HDAC9: variants seen among roughly 807,000 people sequenced by gnomAD.
The protein encoded by HDAC9 is histone deacetylase 9, also known as MEF-2 interacting transcription repressor (MITR) protein.
A neutral mutation model predicts 139.4 loss-of-function variants in HDAC9; 41 were observed. The ratio of observed to expected loss-of-function variants is 0.29; its 90% CI spans 0.23 to 0.38. HDAC9 has a LOEUF of 0.38. HDAC9 is among the 10% of genes least tolerant of loss of function. The pLI is 1.00. For synonymous variants in HDAC9, 517 were observed against 476.2 expected (o/e 1.09, Z -1.12); for missense variants, 1,147 against 1,297.0 (o/e 0.88, Z 1.78).
chr7:18,409,236 C>A (rs949977190), intron 1 of HDAC9, among the ~76,000 whole-genome samples: 3 of 151,936 alleles, frequency 2.0e-5, no homozygotes, highest in Non-Finnish European at 2.9e-5. Context: ...GGTACCCTGG[C>A]GATACATGAC....
chr7:18,903,123 T>C (rs1403914054), intron 22 of HDAC9, among the ~76,000 whole-genome samples: 1 of 152,162 alleles, frequency 6.6e-6, no homozygotes, highest in Non-Finnish European at 1.5e-5. Flanking sequence ...TTGATCAGAG[T>C]AGGAGAAAGG....
intron 1 of HDAC9, among the ~76,000 whole-genome samples, chr7:18,366,903 A>G (rs1010054477): frequency 6.6e-6 from 1 of 151,016 alleles, no homozygotes; most frequent in African/African-American, 2.4e-5. Flanking sequence ...TAAGAAAAAA[A>G]TCTATAGAAA....
intron 1 of HDAC9, among the ~76,000 whole-genome samples, chr7:18,360,010 A>G (rs1783650980): frequency 6.6e-6 from 1 of 152,126 alleles, no homozygotes; most frequent in Non-Finnish European, 1.5e-5. Context: ...CTGCCTTAGC[A>G]TTGCCACAGG....
At chr7:18,894,905 T>C (rs1376182298) in intron 22 of HDAC9, among the ~76,000 whole-genome samples, 1 of 152,068 alleles carries the variant, frequency 6.6e-6, no homozygotes, top group Non-Finnish European at 1.5e-5. Flanking sequence ...AAGCAGAGTA[T>C]GTGGGTCCAG....
chr7:18,351,824 A>G (rs1782869121), intron 1 of HDAC9, among the ~76,000 whole-genome samples: 1 of 152,214 alleles, frequency 6.6e-6, no homozygotes, highest in African/African-American at 2.4e-5. Flanking sequence ...GTTTTGAGTC[A>G]TTCATACAGG....
chr7:18,404,262 C>T (rs1199938968), intron 1 of HDAC9, among the ~76,000 whole-genome samples: 1 of 151,854 alleles, frequency 6.6e-6, no homozygotes, highest in Non-Finnish European at 1.5e-5. Context: ...AAGTTGAAAG[C>T]CAGCAAAAAT....
intron 6 of HDAC9, among the ~76,000 whole-genome samples, chr7:18,605,563 C>T (rs1464831220): frequency 3.9e-5 from 6 of 152,188 alleles, no homozygotes; most frequent in East Asian, 1.9e-4. Context: ...TCCCTACCTT[C>T]ACTTAAACAG....
intron 2 of HDAC9, among the ~76,000 whole-genome samples, chr7:18,497,552 A>C (rs1797249049): frequency 6.6e-6 from 1 of 152,158 alleles, no homozygotes; most frequent in Admixed American, 6.6e-5. Context: ...TATACACTTA[A>C]GTGACAGGAA....
At chr7:18,966,257 G>T (rs112676693) in intron 24 of HDAC9, among the ~76,000 whole-genome samples, 4 of 152,258 alleles carry the variant, frequency 2.6e-5, no homozygotes, top group East Asian at 1.9e-4. Context: ...TAAGAAAAGC[G>T]TGTAGGGTCC....
intron 2 of HDAC9, among the ~76,000 whole-genome samples, chr7:18,511,232 A>G (rs966624306): frequency 6.6e-6 from 1 of 152,190 alleles, no homozygotes; most frequent in Admixed American, 6.5e-5. Flanking sequence ...ACAACCCTCA[A>G]TCAACTGATA....
At chr7:18,409,306 A>T (rs1008867538) in intron 1 of HDAC9, among the ~76,000 whole-genome samples, 3 of 152,216 alleles carry the variant, frequency 2.0e-5, no homozygotes, top group Non-Finnish European at 4.4e-5. Flanking sequence ...CTAGTAATAT[A>T]TCATAAAAGT....
At chr7:18,607,049 T>C (rs1384468909) in intron 6 of HDAC9, among the ~76,000 whole-genome samples, 1 of 152,136 alleles carries the variant, frequency 6.6e-6, no homozygotes, top group Non-Finnish European at 1.5e-5. Context: ...ATAACAAACA[T>C]AGTAGAAATT....
At chr7:18,815,861 G>C (rs1794523864) in intron 17 of HDAC9, among the ~76,000 whole-genome samples, 1 of 152,110 alleles carries the variant, frequency 6.6e-6, no homozygotes, top group South Asian at 2.1e-4. Flanking sequence ...CTACTTCCCT[G>C]AATCTCCCAG....
chr7:18,745,109 A>G (rs1046593508), intron 13 of HDAC9, among the ~76,000 whole-genome samples: 1 of 152,220 alleles, frequency 6.6e-6, no homozygotes, highest in Admixed American at 6.5e-5. Context: ...CAAAGAAAAG[A>G]GCAGGCTTAT....
chr7:18,410,872 C>T (rs1788482065), intron 1 of HDAC9, among the ~76,000 whole-genome samples: 1 of 151,990 alleles, frequency 6.6e-6, no homozygotes, highest in Admixed American at 6.6e-5. Flanking sequence ...TATAGCTTTA[C>T]AAATAATTCA....
chr7:18,437,800 T>C (rs947433459), intron 1 of HDAC9, among the ~76,000 whole-genome samples: 3 of 151,262 alleles, frequency 2.0e-5, no homozygotes, highest in Non-Finnish European at 2.9e-5. Flanking sequence ...AATTCATACA[T>C]TTATAGAATA....
At chr7:18,578,883 T>C (rs905029396) in intron 2 of HDAC9, among the ~76,000 whole-genome samples, 5 of 152,224 alleles carry the variant, frequency 3.3e-5, no homozygotes, top group African/African-American at 1.2e-4. Context: ...ACTGGTAGAA[T>C]TGCATATGTG....
At chr7:18,169,297 C>T (rs1788237904) in intron 2 of HDAC9, among the ~76,000 whole-genome samples, 1 of 151,856 alleles carries the variant, frequency 6.6e-6, no homozygotes, top group African/African-American at 2.4e-5. Context: ...ACTGTAATTG[C>T]ATTTTAATTG....
At chr7:18,223,547 C>T (rs750433292) in intron 2 of HDAC9, among the ~76,000 whole-genome samples, 56 of 152,174 alleles carry the variant, frequency 3.7e-4, no homozygotes, top group Non-Finnish European at 6.9e-4. Flanking sequence ...AGTGCCATAA[C>T]ACAAATACAG....
Sources: allele counts gnomAD v4.1 joint callset (sites outside exome capture counted in the v4.1 genomes callset), GRCh38; gene constraint gnomAD v4.1.1; transcripts MANE v1.5; gene names NCBI Gene and HGNC (gene_info 2026-07-23, HGNC 2026-07-21).